LRMDA: variants seen among roughly 807,000 people sequenced by gnomAD.
LRMDA encodes leucine-rich melanocyte differentiation-associated protein.
LRMDA carries 18 observed loss-of-function variants against 29.8 expected under a neutral mutation model. The ratio of observed to expected loss-of-function variants is 0.60; its 90% CI spans 0.42 to 0.90. The LOEUF is 0.90. Ranked by LOEUF, LRMDA falls within the 40% of genes least tolerant of loss-of-function variation. The pLI, the probability that LRMDA is intolerant of heterozygous loss-of-function variation, is 0.00. For synonymous variants in LRMDA, 125 were observed against 109.4 expected, an observed-to-expected ratio of 1.14 and a Z score of -0.89; for missense variants, 273 against 273.9, an observed-to-expected ratio of 1.00 and a Z score of 0.02.
At chr10:76,286,863 A>G (rs186668425) in intron 5 of LRMDA, among the ~76,000 whole-genome samples, 116 of 152,330 alleles carry the variant, frequency 7.6e-4, no homozygotes, top group African/African-American at 2.7e-3. Context: ...TAGCTTTGCC[A>G]GCCCATAATG....
intron 2 of LRMDA, among the ~76,000 whole-genome samples, chr10:75,633,493 T>A (rs1841353407): frequency 6.6e-6 from 1 of 152,252 alleles, no homozygotes; most frequent in African/African-American, 2.4e-5. Context: ...AACAATTTTG[T>A]AAGTCAAGTT....
At chr10:75,705,316 G>GGA (rs976752341) in intron 2 of LRMDA, among the ~76,000 whole-genome samples, 2 of 152,148 alleles carry the variant, frequency 1.3e-5, no homozygotes, top group Non-Finnish European at 2.9e-5. Flanking sequence ...AAGAGGGGAG[G>GGA]GAGACCCGAG....
chr10:75,991,598 G>T (rs185240056), intron 2 of LRMDA, among the ~76,000 whole-genome samples: 1 of 152,192 alleles, frequency 6.6e-6, no homozygotes, highest in Non-Finnish European at 1.5e-5. Context: ...TTCTAGAAGT[G>T]CTGAATTGAG....
chr10:76,160,134 G>A (rs965093373), intron 5 of LRMDA, among the ~76,000 whole-genome samples: 1 of 151,974 alleles, frequency 6.6e-6, no homozygotes. Context: ...CCATTTCCCA[G>A]GGGTATATGG....
chr10:76,480,477 T>G (rs1297558237), intron 6 of LRMDA, among the ~76,000 whole-genome samples: 1 of 151,970 alleles, frequency 6.6e-6, no homozygotes, highest in Admixed American at 6.6e-5. Context: ...ATCCATACAT[T>G]TCACAGATGT....
At chr10:75,455,805 A>G (rs1844508559) in intron 2 of LRMDA, among the ~76,000 whole-genome samples, 1 of 152,212 alleles carries the variant, frequency 6.6e-6, no homozygotes, top group African/African-American at 2.4e-5. Context: ...TCATGAAGAA[A>G]CTGAGACCTG....
chr10:76,542,476 T>G (rs1236851259), intron 6 of LRMDA, among the ~76,000 whole-genome samples: 1 of 152,112 alleles, frequency 6.6e-6, no homozygotes, highest in Admixed American at 6.6e-5. Context: ...CCCTGGAAAA[T>G]AACAGCACCC....
At chr10:75,579,720 A>G (rs990074883) in intron 2 of LRMDA, among the ~76,000 whole-genome samples, 7 of 152,240 alleles carry the variant, frequency 4.6e-5, no homozygotes, top group Non-Finnish European at 7.3e-5. Context: ...AAGCTTATCT[A>G]CCATGATCAA....
At chr10:76,551,226 C>T (rs567205032) in intron 6 of LRMDA, among the ~76,000 whole-genome samples, 1 of 152,264 alleles carries the variant, frequency 6.6e-6, no homozygotes, top group East Asian at 1.9e-4. Flanking sequence ...AAAAACACCA[C>T]CACGATTTAG....
In LRMDA at chr10:76,302,218, C is replaced by A. The variant is rs537001652; in HGVS notation, c.517-22183C>A. ...AGCACAACTAAATTTAGTAGCCTTG[C>A]TGGAGGGAGGAAGTGGAGCAGAGCT... On this transcript the variant is annotated intron_variant, in intron 5 of 6. Transcript: ENST00000611255. Among the ~76,000 whole-genome samples the A allele has an allele frequency of 3.4e-4, 52 of 152,174 alleles. No homozygotes were observed. The South Asian group carries it at 0.01, about 30-fold the overall frequency.
intron 5 of LRMDA, among the ~76,000 whole-genome samples, chr10:76,186,393 C>T (rs1255348698): frequency 6.6e-6 from 1 of 152,192 alleles, no homozygotes; most frequent in East Asian, 1.9e-4. Context: ...GTGCAAGTAA[C>T]ATGCTTTTCA....
chr10:75,840,864 T>G lies in LRMDA; in HGVS notation c.132-195144T>G, dbSNP rs137983658. On this transcript the variant is annotated intron_variant, in intron 2 of 6. Transcript: ENST00000611255. ...AAACTATCTACTGGTAATCATAAATTTGTTTAACTTGTTACATGTACTTTT... is the reference window on the plus strand; with the variant it reads ...AAACTATCTACTGGTAATCATAAATGTGTTTAACTTGTTACATGTACTTTT... Among the ~76,000 whole-genome samples the G allele has an allele frequency of 2.8e-3, 420 of 152,336 alleles. 4 individuals are homozygous for G. Among genetic ancestry groups the G allele is most frequent in the African/African-American group, 9.3e-3 (386 of 41,582 alleles).
At chr10:75,455,177 T>G (rs1844501360) in intron 2 of LRMDA, among the ~76,000 whole-genome samples, 1 of 152,162 alleles carries the variant, frequency 6.6e-6, no homozygotes, top group Admixed American at 6.5e-5. Context: ...ACTAATCCTT[T>G]GACTAAATGA....
At chr10:75,982,729 T>G (rs1435211313) in intron 2 of LRMDA, among the ~76,000 whole-genome samples, 1 of 152,164 alleles carries the variant, frequency 6.6e-6, no homozygotes, top group Non-Finnish European at 1.5e-5. Context: ...CACCTGAGAT[T>G]ATTATTACAT....
At chr10:75,457,135 G>T (rs574917962) in intron 2 of LRMDA, among the ~76,000 whole-genome samples, 3 of 152,314 alleles carry the variant, frequency 2.0e-5, no homozygotes, top group South Asian at 2.1e-4. Flanking sequence ...ACAAAAATGT[G>T]CAGAGGTTAA....
intron 2 of LRMDA, among the ~76,000 whole-genome samples, chr10:75,534,192 G>A (rs1224293890): frequency 6.6e-6 from 1 of 152,084 alleles, no homozygotes; most frequent in Non-Finnish European, 1.5e-5. Flanking sequence ...GCCCTGATGC[G>A]CAATTGTGAG....
At chr10:75,527,131 G>A (rs557033006) in intron 2 of LRMDA, among the ~76,000 whole-genome samples, 2 of 152,138 alleles carry the variant, frequency 1.3e-5, no homozygotes, top group Non-Finnish European at 2.9e-5. Context: ...TATACAGTAT[G>A]TGGTATTTTG....
intron 2 of LRMDA, among the ~76,000 whole-genome samples, chr10:76,026,760 C>T (rs557390436): frequency 2.9e-4 from 44 of 152,288 alleles, no homozygotes; most frequent in African/African-American, 1.1e-3. Context: ...CCCTTATAAA[C>T]TATAGTTATA....
At chr10:75,463,684 T>G (rs1233383647) in intron 2 of LRMDA, among the ~76,000 whole-genome samples, 10 of 152,042 alleles carry the variant, frequency 6.6e-5, no homozygotes, top group Admixed American at 6.6e-4. Flanking sequence ...CTTGTTTTTT[T>G]TGAGATGGAG....
Sources: gnomAD v4.1 joint callset for allele counts (sites outside exome capture counted in the v4.1 genomes callset) on GRCh38, gnomAD v4.1.1 for gene constraint, MANE v1.5 for transcripts, NCBI Gene and HGNC (gene_info 2026-07-23, HGNC 2026-07-21) for gene names.